The following UNC79 variants were observed in gnomAD, a reference collection of about 807,000 sequenced individuals.
UNC79 encodes protein unc-79 homolog.
In UNC79, 37 loss-of-function variants were observed where a neutral mutation model predicts 283.1. The observed-to-expected ratio is 0.13, with a 90% CI of 0.10 to 0.17. The LOEUF is 0.17. Ranked by LOEUF, UNC79 falls within the 10% of genes least tolerant of loss-of-function variation. The probability of loss-of-function intolerance (pLI) is 1.00; values close to 1 mark genes in which losing one functional copy is unlikely to be tolerated. For synonymous variants in UNC79, 1,107 were observed against 1,200.2 expected, an observed-to-expected ratio of 0.92 and a Z score of 1.61; for missense variants, 2,272 against 3,211.1, an observed-to-expected ratio of 0.71 and a Z score of 7.07.
exon 38 of UNC79, chr14:93,655,243 A>T: frequency 1.2e-6 from 2 of 1,614,020 alleles, no homozygotes; most frequent in Non-Finnish European, 1.7e-6. Flanking sequence ...GGGTCTAAAT[A>T]ACAAAAAGAA....
At chr14:93,618,641 G>T (rs1191532199) in intron 29 of UNC79, among the ~76,000 whole-genome samples, 1 of 152,170 alleles carries the variant, frequency 6.6e-6, no homozygotes, top group East Asian at 1.9e-4. Flanking sequence ...TTTCTTACGT[G>T]TTAGAAGCAT....
intron 19 of UNC79, among the ~76,000 whole-genome samples, 161 bp downstream of exon 19, chr14:93,580,537 G>C (rs2063734423): frequency 6.6e-6 from 1 of 152,130 alleles, no homozygotes; most frequent in African/African-American, 2.4e-5. Context: ...GCCAACTCAG[G>C]CTCTTGGAAA....
Position 93,430,693 on chromosome 14 carries a change from T to G in UNC79, c.-337T>G. Reference sequence around the variant, plus strand: ...ATACTCCTCCCCCGGTCGAGCCCATTTTCCCATTTCACCAGGAGCCGCAGC... The same window carrying G: ...ATACTCCTCCCCCGGTCGAGCCCATGTTCCCATTTCACCAGGAGCCGCAGC... On this transcript the variant is annotated 5_prime_UTR_variant, in exon 1 of 49. Transcript: ENST00000555664. The surrounding 1 kb of genome is among the most constrained non-coding windows in gnomAD (Gnocchi z 4.6). 1 of 239,632 alleles carries G rather than the reference T, an allele frequency of 4.2e-6. No individual in the cohort carries two copies. The highest frequency in any genetic ancestry group is 8.4e-6 in the Non-Finnish European group (1 of 119,434). The allele number at this position is 239,632 out of a possible 1,614,324, so 14.8% of individuals were successfully genotyped here. A position where few individuals can be genotyped will look rare whatever the true frequency, so the allele number is the denominator to read the frequency against.
At chr14:93,517,350 T>G (rs2060117148) in intron 7 of UNC79, among the ~76,000 whole-genome samples, 1 of 147,306 alleles carries the variant, frequency 6.8e-6, no homozygotes, top group Non-Finnish European at 1.5e-5. Flanking sequence ...TTTGCACTGC[T>G]TAATATCTCC....
chr14:93,437,879 T>A (rs187470149), intron 1 of UNC79, among the ~76,000 whole-genome samples: 1 of 152,308 alleles, frequency 6.6e-6, no homozygotes, highest in Non-Finnish European at 1.5e-5. Flanking sequence ...CAGTATGACC[T>A]TATCTTAACT....
At position 93,706,701 on chromosome 14, in the gene UNC79, C is replaced by T. The variant is rs1180106132; in HGVS notation, c.7591-3C>T. 1.9e-6 allele frequency: 3 copies of T among 1,613,918 alleles called. No homozygotes were observed. The highest frequency in any genetic ancestry group is 3.3e-5 in the Admixed American group (2 of 59,948). ...ACTAAAACCTCTTGCCCTTTTTCGA[C>T]AGCACTTATCTGCGGGACTCCAGCT... is the stretch of plus-strand genomic sequence containing the variant. On this transcript the variant is annotated splice_region_variant and splice_polypyrimidine_tract_variant and intron_variant, in intron 48 of 48. Coordinates refer to ENST00000555664, the Ensembl canonical transcript of UNC79.
chr14:93,648,095 C>T (rs1276405054), intron 35 of UNC79, among the ~76,000 whole-genome samples: 2 of 152,150 alleles, frequency 1.3e-5, no homozygotes, highest in African/African-American at 2.4e-5. Context: ...ACAGGCAAAC[C>T]ATATTACCTG....
chr14:93,489,983 T>C (rs2058645044), intron 5 of UNC79, among the ~76,000 whole-genome samples: 1 of 152,204 alleles, frequency 6.6e-6, no homozygotes, highest in South Asian at 2.1e-4. Flanking sequence ...ATGCCTTTGC[T>C]GGGTACAGTG....
At chr14:93,538,296 A>G (rs543983682) in intron 12 of UNC79, 78 bp downstream of exon 12, 39 of 1,370,096 alleles carry the variant, frequency 2.8e-5, no homozygotes, top group Non-Finnish European at 3.5e-5. Context: ...TGAGATGTGC[A>G]TATTTAATGC....
At chr14:93,680,740 G>T (rs2073779764) in intron 41 of UNC79, among the ~76,000 whole-genome samples, 1 of 152,200 alleles carries the variant, frequency 6.6e-6, no homozygotes, top group East Asian at 1.9e-4. Flanking sequence ...TTACAGGCAT[G>T]TGCCACCACA....
intron 19 of UNC79, 119 bp downstream of exon 19, chr14:93,580,495 CTG>C (rs775768223): frequency 2.4e-5 from 25 of 1,054,920 alleles, no homozygotes; most frequent in Non-Finnish European, 2.5e-5. Flanking sequence ...ATACGTGAGA[CTG>C]TGTTAAAAGA....
chr14:93,333,643 G>A (rs901805419), intron 1 of UNC79: 2 of 385,476 alleles, frequency 5.2e-6, no homozygotes, highest in Non-Finnish European at 9.2e-6. Context: ...TGTAAACAAA[G>A]GACAAAATTG....
chr14:93,606,085 T>C lies in UNC79; in HGVS notation c.3754+2667T>C, dbSNP rs547187605. On this transcript the variant is annotated intron_variant, in intron 26 of 48. Coordinates refer to ENST00000555664, the Ensembl canonical transcript of UNC79. Reference sequence around the variant, plus strand: ...TTGAGATTGTTCTTAGTCAGTTTCATAAATTATCTTTATTTTACTCTAGCT... The same window carrying C: ...TTGAGATTGTTCTTAGTCAGTTTCACAAATTATCTTTATTTTACTCTAGCT... Among the ~76,000 whole-genome samples, 32 of 152,348 alleles carry C rather than the reference T, an allele frequency of 2.1e-4. No individual in the cohort carries two copies. The South Asian group carries it at 6.6e-3, about 32-fold the overall frequency.
chr14:93,465,269 A>G (rs1242768), intron 1 of UNC79, among the ~76,000 whole-genome samples: 46,802 of 152,040 alleles, frequency 0.31, 7,580 homozygotes, highest in East Asian at 0.65. Context: ...TATACTCTCT[A>G]TATATCCTAA....
intron 31 of UNC79, among the ~76,000 whole-genome samples, chr14:93,634,868 A>G (rs890743698): frequency 3.9e-5 from 6 of 152,212 alleles, no homozygotes; most frequent in African/African-American, 7.2e-5. Context: ...TCTAAGACCC[A>G]GATTCCAGAT....
At chr14:93,591,161 A>G (rs529637175) in intron 22 of UNC79, among the ~76,000 whole-genome samples, 9 of 152,168 alleles carry the variant, frequency 5.9e-5, no homozygotes, top group Non-Finnish European at 1.3e-4. Context: ...TTTTCATTCT[A>G]TAGCTCTAGT....
chr14:93,661,120 A>ATT (rs201852805), intron 39 of UNC79, among the ~76,000 whole-genome samples: 5 of 151,816 alleles, frequency 3.3e-5, no homozygotes, highest in African/African-American at 4.8e-5. Context: ...TAATTTAGTC[A>ATT]TTTTTTTTCT....
intron 4 of UNC79, among the ~76,000 whole-genome samples, chr14:93,478,754 C>T (rs193033173): frequency 4.3e-4 from 66 of 152,302 alleles, no homozygotes; most frequent in African/African-American, 1.5e-3. Flanking sequence ...AAAATACTTT[C>T]GTTGGTTACA....
rs894688084 is a variant in UNC79, at chr14:93,477,743, A to G, written c.619+15A>G. On this transcript the variant is annotated intron_variant, in intron 4 of 48. Transcript: ENST00000555664. ...AATGGCTATATGTAAGTCCAATCTT[A>G]CCTAATACTAGATTATTTTTATGTA... 4 of 1,599,204 alleles carry G rather than the reference A, an allele frequency of 2.5e-6. No individual in the cohort carries two copies. Among genetic ancestry groups the G allele is most frequent in the Non-Finnish European group, 3.4e-6 (4 of 1,173,684 alleles).
Sources: allele counts gnomAD v4.1 joint callset (sites outside exome capture counted in the v4.1 genomes callset), GRCh38; gene constraint gnomAD v4.1.1; non-coding constraint Gnocchi (gnomAD v3.1); transcripts MANE v1.5; gene names NCBI Gene and HGNC (gene_info 2026-07-23, HGNC 2026-07-21).